Variants in NRG3 observed in about 807,000 individuals in gnomAD.
NRG3 encodes neuregulin 3, also known as pro-neuregulin-3, membrane-bound isoform.
In NRG3, 31 loss-of-function variants were observed where a neutral mutation model predicts 66.9. The observed-to-expected ratio is 0.46, with a 90% CI of 0.35 to 0.63. NRG3 has a LOEUF of 0.63. NRG3 is among the 20% of genes least tolerant of loss of function. The pLI is 0.00. For missense variants in NRG3, 910 were observed against 878.9 expected, an observed-to-expected ratio of 1.04 and a Z score of -0.45; for synonymous variants, 393 against 359.4, an observed-to-expected ratio of 1.09 and a Z score of -1.06.
chr10:82,147,033 C>T (rs1564609120), intron 1 of NRG3, among the ~76,000 whole-genome samples: 1 of 152,202 alleles, frequency 6.6e-6, no homozygotes, highest in African/African-American at 2.4e-5. Flanking sequence ...TTGTCTATCT[C>T]CTGAGGAATT....
chr10:81,937,528 T>A (rs956210837), intron 1 of NRG3, among the ~76,000 whole-genome samples: 6 of 152,156 alleles, frequency 3.9e-5, no homozygotes, highest in African/African-American at 1.4e-4. Flanking sequence ...TCTTTTAATA[T>A]GCTTGTGGGC....
chr10:82,586,570 G>T (rs955585659), intron 2 of NRG3, among the ~76,000 whole-genome samples: 1 of 152,080 alleles, frequency 6.6e-6, no homozygotes, highest in Non-Finnish European at 1.5e-5. Context: ...ATAAAATGAG[G>T]ATAATCTAAT....
Position 81,876,035 on chromosome 10 carries a change from C to T in NRG3, c.695C>T (p.Ser232Phe). Residue 232 changes from serine to phenylalanine, a missense_variant, in exon 1 of 9, where the codon TCC (serine) becomes TTC (phenylalanine). Transcript: ENST00000372141. ...TGGCCTACTGCGGCATACGCTACCT[C>T]CTCCTACCTTCACGATTCTACTCCC... ...PSWPTAAYATSSYLHDSTPSW... is the reference protein window; with the variant it reads ...PSWPTAAYATFSYLHDSTPSW... The T allele has an allele frequency of 6.2e-7, 1 of 1,614,052 alleles. No homozygotes were observed. Among genetic ancestry groups the T allele is most frequent in the South Asian group, 1.1e-5 (1 of 91,080 alleles).
rs1392407326 is a variant in NRG3, at chr10:82,985,132, A to G, written c.1618A>G (p.Thr540Ala). 6.2e-7 allele frequency: 1 copy of G among 1,613,870 alleles called. No homozygotes were observed. Among genetic ancestry groups the G allele is most frequent in the East Asian group, 2.2e-5 (1 of 44,888 alleles). The change falls in exon 9 of 9, where the codon ACA becomes GCA. Residue 540 changes from threonine (T) to alanine (A), a missense_variant. Physicochemically the swap from Thr to Ala is moderately conservative, Grantham distance 58 (BLOSUM62 0). Coordinates refer to ENST00000372141, the MANE Select transcript of NRG3 (RefSeq NM_001010848.4). ...SSSGLKTQRN[T>A]SINMQLPSRE... ...CAGTGGTTTAAAAACCCAACGAAAT[A>G]CATCAATAAATATGCAACTGCCTTC...
intron 3 of NRG3, among the ~76,000 whole-genome samples, chr10:82,856,926 A>T (rs2063841882): frequency 6.6e-6 from 1 of 152,204 alleles, no homozygotes; most frequent in Admixed American, 6.5e-5. Context: ...ATCACTAGTG[A>T]CAGAAACAAT....
intron 1 of NRG3, among the ~76,000 whole-genome samples, chr10:82,175,972 G>T (rs548785494): frequency 1.7e-4 from 26 of 152,174 alleles, no homozygotes; most frequent in African/African-American, 5.3e-4. Flanking sequence ...ATTTGACCAG[G>T]TTAGTCTGTT....
intron 1 of NRG3, among the ~76,000 whole-genome samples, chr10:81,914,786 A>G (rs1332149926): frequency 4.0e-5 from 6 of 151,452 alleles, no homozygotes; most frequent in African/African-American, 9.7e-5. Context: ...AAAAAAAAAA[A>G]AAAGAAAGAC....
chr10:82,245,202 A>G (rs1214915169), intron 1 of NRG3, among the ~76,000 whole-genome samples: 2 of 152,192 alleles, frequency 1.3e-5, no homozygotes, highest in African/African-American at 4.8e-5. Context: ...ATTATGAGGC[A>G]TTAGATTCCC....
At chr10:82,906,781 A>C (rs992763886) in intron 4 of NRG3, among the ~76,000 whole-genome samples, 1 of 152,186 alleles carries the variant, frequency 6.6e-6, no homozygotes, top group African/African-American at 2.4e-5. Context: ...TCTTCTAGAA[A>C]GGGTGAAGCA....
chr10:82,419,649 AT>A (rs1429497782), intron 2 of NRG3, among the ~76,000 whole-genome samples: 1 of 152,218 alleles, frequency 6.6e-6, no homozygotes. Context: ...TTTTGTGGAA[AT>A]AATGTATTTT....
At chr10:82,971,628 G>C (rs1564680257) in intron 6 of NRG3, among the ~76,000 whole-genome samples, 1 of 151,834 alleles carries the variant, frequency 6.6e-6, no homozygotes, top group Non-Finnish European at 1.5e-5. Flanking sequence ...GTAGAGACAG[G>C]GTTTCACCAT....
intron 2 of NRG3, among the ~76,000 whole-genome samples, chr10:82,586,682 C>A (rs1445948904): frequency 6.6e-6 from 1 of 152,102 alleles, no homozygotes; most frequent in Non-Finnish European, 1.5e-5. Context: ...CAATTAGATT[C>A]TATTCACCAT....
At chr10:82,596,496 G>A (rs1408499591) in intron 2 of NRG3, among the ~76,000 whole-genome samples, 1 of 152,102 alleles carries the variant, frequency 6.6e-6, no homozygotes, top group African/African-American at 2.4e-5. Flanking sequence ...TTTCAAACTG[G>A]TTGGGCTCAT....
At chr10:82,135,690 T>C (rs986843127) in intron 1 of NRG3, among the ~76,000 whole-genome samples, 1 of 152,162 alleles carries the variant, frequency 6.6e-6, no homozygotes, top group African/African-American at 2.4e-5. Context: ...TTTTTAAAAA[T>C]GATTTCAATC....
chr10:82,825,541 C>G (rs1402758502), intron 3 of NRG3, among the ~76,000 whole-genome samples: 1 of 152,190 alleles, frequency 6.6e-6, no homozygotes, highest in Admixed American at 6.5e-5. Flanking sequence ...AGGCAGGGTT[C>G]TGACGGCTGG....
chr10:82,820,512 A>T (rs1253871935), intron 3 of NRG3, among the ~76,000 whole-genome samples: 1 of 152,164 alleles, frequency 6.6e-6, no homozygotes, highest in East Asian at 1.9e-4. Context: ...CTGGGCCCGG[A>T]AATGATTATA....
chr10:82,187,320 C>T (rs998009167), intron 1 of NRG3, among the ~76,000 whole-genome samples: 4 of 152,118 alleles, frequency 2.6e-5, no homozygotes, highest in East Asian at 1.9e-4. Flanking sequence ...AGTTTTAATT[C>T]GCTTCTTATA....
At chr10:82,614,140 C>T (rs688287) in intron 2 of NRG3, among the ~76,000 whole-genome samples, 12,201 of 151,878 alleles carry the variant, frequency 0.08, 572 homozygotes, top group East Asian at 0.14. Context: ...CCTTGTGATC[C>T]GCCTGCCTTG....
intron 2 of NRG3, among the ~76,000 whole-genome samples, chr10:82,468,773 G>A (rs567526342): frequency 2.6e-5 from 4 of 152,252 alleles, no homozygotes; most frequent in South Asian, 2.1e-4. Context: ...ATTTAAAGAA[G>A]TAGATATTCT....
Sources: allele counts gnomAD v4.1 joint callset (sites outside exome capture counted in the v4.1 genomes callset), GRCh38; gene constraint gnomAD v4.1.1; transcripts MANE v1.5; gene names NCBI Gene and HGNC (gene_info 2026-07-23, HGNC 2026-07-21).